Variants in TXNDC8 observed in about 807,000 individuals in gnomAD.
TXNDC8 encodes the protein thioredoxin domain-containing protein 8.
In TXNDC8, 15 loss-of-function variants were observed where a neutral mutation model predicts 12.9. The ratio of observed to expected loss-of-function variants is 1.16; its 90% CI spans 0.78 to 1.79. TXNDC8 has a LOEUF of 1.79. Among genes scored for constraint, TXNDC8 ranks in the 40% most tolerant of loss-of-function variants. TXNDC8 has a pLI of 0.00. For missense variants in TXNDC8, 128 were observed against 113.2 expected, an observed-to-expected ratio of 1.13 and a Z score of -0.59; for synonymous variants, 40 against 35.4, an observed-to-expected ratio of 1.13 and a Z score of -0.46.
intron 3 of TXNDC8, among the ~76,000 whole-genome samples, chr9:110,324,299 A>T (rs1839224307): frequency 6.6e-6 from 1 of 152,234 alleles, no homozygotes; most frequent in Non-Finnish European, 1.5e-5. Flanking sequence ...AAGTTGAGGG[A>T]GCATATGTTA....
intron 3 of TXNDC8, chr9:110,323,473 CT>C: frequency 2.6e-6 from 1 of 379,770 alleles, no homozygotes. Context: ...TCCTTGGTGA[CT>C]TTAGAGAGGA....
chr9:110,329,585 C>T (rs1393186456), intron 2 of TXNDC8, among the ~76,000 whole-genome samples: 1 of 152,158 alleles, frequency 6.6e-6, no homozygotes, highest in East Asian at 1.9e-4. Flanking sequence ...TGGATCCAGA[C>T]TTACTTTGTG....
chr9:110,304,004 A>G (rs923357754), intron 4 of TXNDC8, among the ~76,000 whole-genome samples: 13 of 152,230 alleles, frequency 8.5e-5, no homozygotes, highest in African/African-American at 2.9e-4. Flanking sequence ...TAAGAGTATT[A>G]TAATTCATTG....
At chr9:110,318,881 G>C (rs956932007) in intron 3 of TXNDC8, among the ~76,000 whole-genome samples, 1 of 152,164 alleles carries the variant, frequency 6.6e-6, no homozygotes, top group African/African-American at 2.4e-5. Flanking sequence ...ATAAAGGTAA[G>C]ATTTAATCCT....
chr9:110,334,273 C>T lies in TXNDC8; in HGVS notation c.72G>A (p.Val24=), dbSNP rs41278429. The stretch of plus-strand genomic sequence containing the variant: ...CACACCGTTTCGAAGAAAATTGAAC[C>T]ACTGCGAGTTTGTGTCCGGCAGCTG... The change falls in exon 2 of 5, where the codon GTG becomes GTA. Residue 24 remains valine (V), a synonymous_variant. Transcript: ENST00000423740. 5.6e-4 allele frequency: 910 copies of T among 1,613,806 alleles called. 2 individuals carry two copies. The highest frequency in any genetic ancestry group is 3.3e-3 in the Middle Eastern group (20 of 6,062).
At chr9:110,315,858 C>T (rs1332615348) in intron 3 of TXNDC8, among the ~76,000 whole-genome samples, 9 of 35,784 alleles carry the variant, frequency 2.5e-4, no homozygotes, top group Admixed American at 2.4e-3. Context: ...GTTGAGGGGG[C>T]GGGGGGCGCA....
intron 3 of TXNDC8, among the ~76,000 whole-genome samples, chr9:110,305,372 A>AT (rs1197441213): frequency 6.6e-6 from 1 of 151,890 alleles, no homozygotes; most frequent in Non-Finnish European, 1.5e-5. Flanking sequence ...CAGTTTATCC[A>AT]TTTTTGCTGT....
chr9:110,332,641 T>C, intron 2 of TXNDC8, among the ~76,000 whole-genome samples: 1 of 152,080 alleles, frequency 6.6e-6, no homozygotes, highest in Non-Finnish European at 1.5e-5. Flanking sequence ...TTTTATACAA[T>C]AAGGAAAAAT....
chr9:110,333,907 C>G (rs1456014317), intron 2 of TXNDC8, among the ~76,000 whole-genome samples: 1 of 152,150 alleles, frequency 6.6e-6, no homozygotes, highest in Non-Finnish European at 1.5e-5. Context: ...AAGTTCTGAA[C>G]TCTTGAAACT....
chr9:110,321,532 G>A (rs965353124), intron 3 of TXNDC8, among the ~76,000 whole-genome samples: 1 of 152,088 alleles, frequency 6.6e-6, no homozygotes, highest in Non-Finnish European at 1.5e-5. Flanking sequence ...CTGAACTCTA[G>A]GTTTTATTTT....
downstream of TXNDC8, among the ~76,000 whole-genome samples, chr9:110,303,096 G>A (rs145617328): frequency 6.6e-6 from 1 of 151,994 alleles, no homozygotes; most frequent in Non-Finnish European, 1.5e-5. Context: ...GAAGAATTTT[G>A]TACCATAAGA....
intron 1 of TXNDC8, 22 bp downstream of exon 1, chr9:110,337,750 AG>A (rs1476244332): frequency 1.9e-6 from 3 of 1,612,822 alleles, no homozygotes; most frequent in Non-Finnish European, 2.5e-6. Flanking sequence ...TGAAATACTC[AG>A]TGAAGCCAAA....
intron 2 of TXNDC8, among the ~76,000 whole-genome samples, chr9:110,326,655 G>T (rs370436500): frequency 6.8e-6 from 1 of 146,786 alleles, no homozygotes; most frequent in South Asian, 2.1e-4. Flanking sequence ...TACTTGAGAC[G>T]TGGAACGCAT....
intron 2 of TXNDC8, 66 bp from the exon 4 acceptor site, chr9:110,326,306 A>G (rs373292729): frequency 3.0e-5 from 47 of 1,555,722 alleles, no homozygotes; most frequent in Middle Eastern, 1.7e-4. Flanking sequence ...CAAGCATGTT[A>G]TTTGGTAACT....
chr9:110,337,853 A>T lies in TXNDC8; in HGVS notation c.-57T>A. ...CCTGTTGGTTTAGTTGGATCACTGT[A>T]GCTGTCTCCTATTTATTACAGTATC... On this transcript the variant is annotated 5_prime_UTR_variant, in exon 1 of 5. Transcript: ENST00000423740. The T allele has an allele frequency of 6.5e-7, 1 of 1,534,492 alleles. No homozygotes were observed. The highest frequency in any genetic ancestry group is 1.7e-5 in the Admixed American group (1 of 59,268).
intron 3 of TXNDC8, among the ~76,000 whole-genome samples, chr9:110,318,595 A>G (rs1465337469): frequency 2.6e-5 from 4 of 152,268 alleles, no homozygotes; most frequent in African/African-American, 7.2e-5. Flanking sequence ...AAAATTAGCC[A>G]GGCATCATGG....
At chr9:110,304,074 T>C (rs1336488088) in intron 4 of TXNDC8, among the ~76,000 whole-genome samples, 1 of 152,246 alleles carries the variant, frequency 6.6e-6, no homozygotes, top group East Asian at 1.9e-4. Flanking sequence ...ATGCATTTCA[T>C]AGTGGATGGT....
intron 3 of TXNDC8, among the ~76,000 whole-genome samples, chr9:110,320,491 T>G (rs377228470): frequency 1.3e-5 from 2 of 152,190 alleles, no homozygotes; most frequent in South Asian, 4.1e-4. Flanking sequence ...CTCTTTCCTG[T>G]GTAAATTACC....
intron 1 of TXNDC8, among the ~76,000 whole-genome samples, chr9:110,335,115 G>T (rs770948971): frequency 2.0e-5 from 3 of 152,152 alleles, no homozygotes; most frequent in Admixed American, 6.5e-5. Flanking sequence ...ATCTCCCCAA[G>T]TCCTTACAGG....
Sources: allele counts gnomAD v4.1 joint callset (sites outside exome capture counted in the v4.1 genomes callset), GRCh38; gene constraint gnomAD v4.1.1; transcripts MANE v1.5; gene names NCBI Gene and HGNC (gene_info 2026-07-23, HGNC 2026-07-21).